ARMC2: variants seen among roughly 807,000 people sequenced by gnomAD.
The protein encoded by ARMC2 is armadillo repeat-containing protein 2.
Under a neutral mutation model 90.3 loss-of-function variants are expected in ARMC2, and 67 were observed. That is an observed-to-expected ratio of 0.74 (90% confidence interval 0.61 to 0.91). ARMC2 has a LOEUF of 0.91. ARMC2 is among the 40% of genes least tolerant of loss of function. The pLI is 0.00. For missense variants in ARMC2, 920 were observed against 1,030.9 expected, an observed-to-expected ratio of 0.89 and a Z score of 1.47; for synonymous variants, 393 against 393.0, an observed-to-expected ratio of 1.00 and a Z score of 0.00.
At chr6:109,001,348 G>C in the ARMC2 span, 1 of 1,613,734 alleles carries the variant, frequency 6.2e-7, no homozygotes, top group Non-Finnish European at 8.5e-7. Context: ...GCAGTAGATA[G>C]TGCTGAGTTT....
intron 17 of ARMC2, among the ~76,000 whole-genome samples, chr6:108,967,653 T>C (rs1405747887): frequency 6.6e-6 from 1 of 152,258 alleles, no homozygotes; most frequent in African/African-American, 2.4e-5. Context: ...AGACTACTTA[T>C]AATACCTACA....
chr6:108,869,144 A>G lies in ARMC2; in HGVS notation c.463+149A>G, dbSNP rs1425629052. The G allele has an allele frequency of 1.3e-5, 11 of 837,812 alleles. No individual in the cohort carries two copies. The Admixed American group carries it at 3.6e-4, about 27-fold the overall frequency. The allele number at this position is 837,812 out of a possible 1,614,324, so 51.9% of individuals were successfully genotyped here. A position where few individuals can be genotyped will look rare whatever the true frequency, so the allele number is the denominator to read the frequency against. On this transcript the variant is annotated intron_variant, in intron 4 of 17. Transcript: ENST00000392644. ...AATATTGGGCAAAAGCTGGCTAAGA[A>G]ACATTGTTCATATATTTTTCTGGGT...
At chr6:108,994,386 TAA>T in the ARMC2 span, 2 of 1,262,186 alleles carry the variant, frequency 1.6e-6, no homozygotes, top group Admixed American at 2.0e-5. Flanking sequence ...ATTGATGCTT[TAA>T]AAGTTATTTA....
In ARMC2 at chr6:108,863,818, A is replaced by C. The variant is rs1230800807; in HGVS notation, c.292-5006A>C. On this transcript the variant is annotated intron_variant, in intron 3 of 17. Transcript: ENST00000392644. Reference sequence around the variant, plus strand: ...CAGTAACCAGCATTCAAAAGGAAAAAATAGATCACTGCCAACATCATCAAA... The same window carrying C: ...CAGTAACCAGCATTCAAAAGGAAAACATAGATCACTGCCAACATCATCAAA... Among the ~76,000 whole-genome samples the C allele has an allele frequency of 5.3e-5, 8 of 152,208 alleles. 1 individual carries two copies. Among genetic ancestry groups the C allele is most frequent in the African/African-American group, 1.9e-4 (8 of 41,462 alleles).
At chr6:108,868,763 AG>A in intron 3 of ARMC2, 60 bp from the exon 4 acceptor site, 1 of 1,521,154 alleles carries the variant, frequency 6.6e-7, no homozygotes, top group Non-Finnish European at 9.0e-7. Context: ...GCCAGCTCTG[AG>A]GTAAGTGTTA....
chr6:109,041,331 AT>A, the ARMC2 span, among the ~76,000 whole-genome samples: 1 of 152,100 alleles, frequency 6.6e-6, no homozygotes, highest in Non-Finnish European at 1.5e-5. Flanking sequence ...ATTTAAAAAA[AT>A]AAAATAAAAT....
At chr6:109,046,335 T>C in the ARMC2 span, among the ~76,000 whole-genome samples, 2 of 151,876 alleles carry the variant, frequency 1.3e-5, no homozygotes, top group Admixed American at 6.5e-5. Flanking sequence ...TCCGCCAGCC[T>C]TGGCCTCCCG....
the ARMC2 span, among the ~76,000 whole-genome samples, chr6:109,039,498 A>C: frequency 6.6e-6 from 1 of 152,232 alleles, no homozygotes; most frequent in East Asian, 1.9e-4. Flanking sequence ...CAAGAACATC[A>C]AATCTGCAAA....
intron 10 of ARMC2, 98 bp downstream of exon 10, chr6:108,912,656 C>T (rs1773556895): frequency 8.9e-7 from 1 of 1,124,384 alleles, no homozygotes; most frequent in South Asian, 1.5e-5. Context: ...CCCCTACAGC[C>T]AGGTGTGGGT....
the ARMC2 span, among the ~76,000 whole-genome samples, chr6:108,997,718 A>G: frequency 6.6e-6 from 1 of 152,214 alleles, no homozygotes. Flanking sequence ...ATCTATTTCA[A>G]AGGGATAATA....
At chr6:108,862,955 C>G (rs1045026283) in intron 3 of ARMC2, among the ~76,000 whole-genome samples, 1 of 152,196 alleles carries the variant, frequency 6.6e-6, no homozygotes, top group Non-Finnish European at 1.5e-5. Flanking sequence ...CCCATCCTAT[C>G]TGGCATGTGC....
At position 108,914,400 on chromosome 6, in the gene ARMC2, TC is replaced by T. The variant is rs1041757051; in HGVS notation, c.1350+1848del. On this transcript the variant is annotated intron_variant, in intron 10 of 17. Transcript: ENST00000392644. ...CCCCCCTCCTTTCCTGACATTTGTG[TC>T]CCCCCACCTCTAGGGGGCGCTGTAG... Among the ~76,000 whole-genome samples, 14 of 152,080 alleles carry T rather than the reference TC, an allele frequency of 9.2e-5. 2 individuals carry two copies. In the South Asian group the frequency reaches 2.3e-3, roughly 25 times the overall value.
rs1246081766 is a variant in ARMC2, at chr6:108,915,508, G to A, written c.1350+2950G>A. Among the ~76,000 whole-genome samples the A allele has an allele frequency of 5.3e-5, 8 of 152,214 alleles. No homozygotes were observed. The East Asian group carries it at 9.6e-4, about 18-fold the overall frequency. On this transcript the variant is annotated intron_variant, in intron 10 of 17. Transcript: ENST00000392644. ...CGCTTGCTTTAACATCTGGCACAGC[G>A]TTAGAGTCATCTTGTTTTCCAAAAG...
chr6:109,001,142 A>C, the ARMC2 span: 1 of 722,690 alleles, frequency 1.4e-6, no homozygotes, highest in Non-Finnish European at 2.2e-6. Flanking sequence ...TACTTATTTA[A>C]AAATAGGAAA....
chr6:108,933,463 G>A (rs945931463), intron 11 of ARMC2, among the ~76,000 whole-genome samples: 2 of 152,194 alleles, frequency 1.3e-5, no homozygotes, highest in Admixed American at 6.5e-5. Flanking sequence ...AGGAGGTTTT[G>A]GGCTGAGACT....
At chr6:108,988,570 G>A in the ARMC2 span, 1 of 1,612,150 alleles carries the variant, frequency 6.2e-7, no homozygotes, top group Middle Eastern at 1.7e-4. Flanking sequence ...ACTGCCTCCA[G>A]AAGCTATCAT....
rs991031066 is a variant in ARMC2 at position 108,854,432 on chromosome 6, A to C, written c.165A>C (p.Leu55=). 3.7e-6 allele frequency: 6 copies of C among 1,613,556 alleles called. No individual in the cohort carries two copies. The African/African-American group carries it at 6.7e-5, about 18-fold the overall frequency. Residue 55 remains leucine (L), a synonymous_variant, in exon 2 of 18, where the codon CTA becomes CTC. Coordinates refer to ENST00000392644, the MANE Select transcript of ARMC2 (RefSeq NM_032131.6). The stretch of plus-strand genomic sequence containing the variant: ...CACCACAGGAGGCTCAAAGAAAACT[A>C]TTCGGACCTGCATCCTCAAGAACAT... ...PFTPQEAQRK[L]FGPASSRTSE...
At chr6:108,968,686 AAAAC>A (rs548784418) in intron 17 of ARMC2, among the ~76,000 whole-genome samples, 61 of 151,862 alleles carry the variant, frequency 4.0e-4, no homozygotes, top group African/African-American at 1.3e-3. Context: ...AAAGATAGCT[AAAAC>A]AAACAAACAA....
At chr6:108,992,980 A>G in the ARMC2 span, 11 of 854,624 alleles carry the variant, frequency 1.3e-5, no homozygotes, top group Non-Finnish European at 2.1e-5. Flanking sequence ...TAAAAATGGC[A>G]TAACTCTTTC....
Sources: gnomAD v4.1 joint callset for allele counts (sites outside exome capture counted in the v4.1 genomes callset) on GRCh38, gnomAD v4.1.1 for gene constraint, MANE v1.5 for transcripts, NCBI Gene and HGNC (gene_info 2026-07-23, HGNC 2026-07-21) for gene names.